SNX29: variants seen among roughly 807,000 people sequenced by gnomAD.
The protein encoded by SNX29 is sorting nexin 29.
SNX29 carries 78 observed loss-of-function variants against 102.1 expected under a neutral mutation model. That is an observed-to-expected ratio of 0.76 (90% CI 0.64 to 0.92). SNX29 has a LOEUF of 0.92. Among genes scored for constraint, SNX29 ranks in the 40% least tolerant of loss-of-function variants. SNX29 has a pLI of 0.00. For missense variants in SNX29, 1,280 were observed against 1,061.7 expected, an observed-to-expected ratio of 1.21 and a Z score of -2.86; for synonymous variants, 580 against 414.5, an observed-to-expected ratio of 1.40 and a Z score of -4.85.
chr16:12,014,364 C>T (rs148521557), intron 3 of SNX29, among the ~76,000 whole-genome samples: 2 of 152,170 alleles, frequency 1.3e-5, no homozygotes, highest in African/African-American at 4.8e-5. Context: ...ATCCAGGCAG[C>T]ATTTGCATCT....
At chr16:12,190,966 A>G (rs2076627327) in intron 13 of SNX29, among the ~76,000 whole-genome samples, 1 of 152,038 alleles carries the variant, frequency 6.6e-6, no homozygotes, top group Non-Finnish European at 1.5e-5. Flanking sequence ...ACCTCTTAGG[A>G]TTGATTGTTT....
intron 13 of SNX29, among the ~76,000 whole-genome samples, chr16:12,163,421 G>A (rs1284891845): frequency 6.6e-6 from 1 of 152,176 alleles, no homozygotes; most frequent in Non-Finnish European, 1.5e-5. Flanking sequence ...CCAGGGTGTT[G>A]AGGGTGACTG....
chr16:12,221,400 AGGT>A, intron 14 of SNX29, among the ~76,000 whole-genome samples: 1 of 152,292 alleles, frequency 6.6e-6, no homozygotes, highest in South Asian at 2.1e-4. Context: ...GGATTACCTG[AGGT>A]CAGGAGTTTG....
chr16:12,212,223 C>A (rs1026335523), intron 14 of SNX29, among the ~76,000 whole-genome samples: 3 of 152,116 alleles, frequency 2.0e-5, no homozygotes, highest in African/African-American at 7.2e-5. Flanking sequence ...GTTCGCCTTT[C>A]CCCCCGGAGA....
chr16:12,557,493 C>G (rs1335056067), intron 20 of SNX29: 1 of 152,168 alleles, frequency 6.6e-6, no homozygotes, highest in African/African-American at 2.4e-5. Flanking sequence ...TCTTAAGTAG[C>G]TGGGATTACA....
At chr16:12,492,563 T>C (rs1242408076) in intron 19 of SNX29, among the ~76,000 whole-genome samples, 1 of 152,208 alleles carries the variant, frequency 6.6e-6, no homozygotes, top group African/African-American at 2.4e-5. Context: ...TTTTGGCTTT[T>C]GTTGCCATTG....
intron 13 of SNX29, among the ~76,000 whole-genome samples, chr16:12,153,468 AAAAAC>A (rs2055388660): frequency 6.7e-6 from 1 of 148,722 alleles, no homozygotes; most frequent in South Asian, 2.2e-4. Context: ...TCTCAAAAAA[AAAAAC>A]AAAAAACAAA....
chr16:12,107,242 A>C (rs910876160), intron 11 of SNX29, among the ~76,000 whole-genome samples: 56 of 151,846 alleles, frequency 3.7e-4, no homozygotes, highest in African/African-American at 1.3e-3. Flanking sequence ...AAGGCGCTTC[A>C]GTTACTACAG....
At chr16:12,461,765 T>G (rs1394146689) in intron 18 of SNX29, among the ~76,000 whole-genome samples, 1 of 150,888 alleles carries the variant, frequency 6.6e-6, no homozygotes, top group Non-Finnish European at 1.5e-5. Flanking sequence ...AAGACCAGCT[T>G]GGCTAACATG....
chr16:12,467,361 A>G (rs1486812037), intron 18 of SNX29, among the ~76,000 whole-genome samples: 1 of 152,226 alleles, frequency 6.6e-6, no homozygotes, highest in Non-Finnish European at 1.5e-5. Flanking sequence ...GCGAAGATCC[A>G]TGCTCTCCTT....
intron 1 of SNX29, among the ~76,000 whole-genome samples, chr16:11,989,852 G>T (rs905774601): frequency 6.6e-6 from 1 of 152,226 alleles, no homozygotes; most frequent in African/African-American, 2.4e-5. Flanking sequence ...CTGCAGGAAG[G>T]CTTCTCTGAG....
At chr16:12,548,425 G>A (rs774196186) in intron 20 of SNX29, among the ~76,000 whole-genome samples, 1 of 152,174 alleles carries the variant, frequency 6.6e-6, no homozygotes, top group African/African-American at 2.4e-5. Flanking sequence ...GCTCCCCACT[G>A]TGCCACATCC....
chr16:12,485,538 C>A (rs1028742484), intron 19 of SNX29, among the ~76,000 whole-genome samples: 1 of 152,122 alleles, frequency 6.6e-6, no homozygotes, highest in Non-Finnish European at 1.5e-5. Flanking sequence ...TGGTACTCGC[C>A]GAGCCGTGGG....
intron 18 of SNX29, among the ~76,000 whole-genome samples, chr16:12,403,872 A>G (rs1340953014): frequency 2.6e-5 from 4 of 152,198 alleles, no homozygotes; most frequent in African/African-American, 9.6e-5. Context: ...TGGACCTGCC[A>G]TCAGGAACCT....
At chr16:12,335,604 C>T (rs2081422697) in intron 15 of SNX29, among the ~76,000 whole-genome samples, 1 of 152,086 alleles carries the variant, frequency 6.6e-6, no homozygotes, top group African/African-American at 2.4e-5. Flanking sequence ...TGAGCCTAGG[C>T]ATTTGAGGCT....
chr16:12,310,525 A>C (rs557939267), intron 15 of SNX29, among the ~76,000 whole-genome samples: 21 of 152,326 alleles, frequency 1.4e-4, no homozygotes, highest in African/African-American at 5.1e-4. Flanking sequence ...GTGAAAAAAA[A>C]AAAAGACCAT....
chr16:12,333,062 G>A (rs371838158), intron 15 of SNX29, among the ~76,000 whole-genome samples: 4 of 151,906 alleles, frequency 2.6e-5, no homozygotes, highest in Admixed American at 1.3e-4. Context: ...ATATTTAGCA[G>A]TGTGCATTTG....
At chr16:12,212,224 C>G (rs183009252) in intron 14 of SNX29, among the ~76,000 whole-genome samples, 1 of 152,216 alleles carries the variant, frequency 6.6e-6, no homozygotes, top group Non-Finnish European at 1.5e-5. Context: ...TTCGCCTTTC[C>G]CCCCGGAGAC....
intron 11 of SNX29, among the ~76,000 whole-genome samples, chr16:12,110,287 G>A (rs1381953858): frequency 6.6e-6 from 1 of 152,088 alleles, no homozygotes; most frequent in Non-Finnish European, 1.5e-5. Context: ...CTGGGGTGAG[G>A]CAGCCCTTCC....
Sources: gnomAD v4.1 joint callset for allele counts (sites outside exome capture counted in the v4.1 genomes callset) on GRCh38, gnomAD v4.1.1 for gene constraint, MANE v1.5 for transcripts, NCBI Gene and HGNC (gene_info 2026-07-23, HGNC 2026-07-21) for gene names.